The following PPP2R2C variants were observed in gnomAD, a reference collection of about 807,000 sequenced individuals.
The protein encoded by PPP2R2C is protein phosphatase 2, regulatory subunit B, gamma.
In PPP2R2C, 10 loss-of-function variants were observed where a neutral mutation model predicts 45.3. The observed-to-expected ratio is 0.22, with a 90% confidence interval of 0.14 to 0.37. The LOEUF is 0.37. Among genes scored for constraint, PPP2R2C ranks in the 10% least tolerant of loss-of-function variants. The pLI is 1.00. For missense variants in PPP2R2C, 308 were observed against 619.7 expected (o/e 0.50, Z 5.34); for synonymous variants, 257 against 245.4 (o/e 1.05, Z -0.44).
intron 6 of PPP2R2C, among the ~76,000 whole-genome samples, chr4:6,336,176 C>T (rs1011551272): frequency 2.0e-5 from 3 of 152,070 alleles, no homozygotes; most frequent in Admixed American, 6.5e-5. Flanking sequence ...TGACAGTAGG[C>T]GCCTCCCTTT....
chr4:6,361,393 C>T (rs1156832185), intron 5 of PPP2R2C, among the ~76,000 whole-genome samples: 1 of 152,230 alleles, frequency 6.6e-6, no homozygotes, highest in East Asian at 1.9e-4. Flanking sequence ...TTCTGAATCA[C>T]AAAACCCAGA....
intron 1 of PPP2R2C, among the ~76,000 whole-genome samples, chr4:6,433,213 C>T (rs531559770): frequency 2.0e-5 from 3 of 152,192 alleles, no homozygotes; most frequent in East Asian, 1.9e-4. Context: ...CCGTGTTGTT[C>T]GAGGGTCTGC....
intron 2 of PPP2R2C, among the ~76,000 whole-genome samples, chr4:6,525,447 C>T (rs1462868890): frequency 6.6e-6 from 1 of 151,622 alleles, no homozygotes; most frequent in Non-Finnish European, 1.5e-5. Context: ...ATCCTAACCA[C>T]CCCCAGATGA....
intron 4 of PPP2R2C, among the ~76,000 whole-genome samples, chr4:6,373,933 G>C (rs1010594507): frequency 4.7e-5 from 7 of 150,214 alleles, no homozygotes; most frequent in African/African-American, 1.5e-4. Context: ...GTGTGTGCAC[G>C]CAGCACCGGT....
chr4:6,499,542 C>T (rs1031883778), intron 2 of PPP2R2C, among the ~76,000 whole-genome samples: 2 of 152,190 alleles, frequency 1.3e-5, no homozygotes, highest in Admixed American at 1.3e-4. Context: ...CTCCCACATT[C>T]TTGTCCTTCC....
chr4:6,382,471 G>C, intron 1 of PPP2R2C: 1 of 1,352,038 alleles, frequency 7.4e-7, no homozygotes, highest in Non-Finnish European at 9.8e-7. Flanking sequence ...CTGAGCCAGT[G>C]CATCCCTGTG....
chr4:6,381,958 A>G, intron 1 of PPP2R2C: 1 of 1,472,906 alleles, frequency 6.8e-7, no homozygotes, highest in Non-Finnish European at 9.0e-7. Flanking sequence ...CTGGGTGGCC[A>G]GCCCTGGGAG....
intron 1 of PPP2R2C, among the ~76,000 whole-genome samples, chr4:6,442,268 C>T (rs1380101667): frequency 2.0e-5 from 3 of 152,360 alleles, no homozygotes; most frequent in Non-Finnish European, 4.4e-5. Context: ...GCAGGCCTGG[C>T]CTCCCCTCCC....
intron 1 of PPP2R2C, among the ~76,000 whole-genome samples, chr4:6,406,119 C>T (rs557411897): frequency 2.6e-5 from 4 of 152,304 alleles, no homozygotes; most frequent in African/African-American, 9.6e-5. Context: ...CAAGAACTAA[C>T]GTATTTATTT....
chr4:6,455,819 T>A (rs748231441), intron 1 of PPP2R2C, among the ~76,000 whole-genome samples: 6 of 152,154 alleles, frequency 3.9e-5, no homozygotes, highest in African/African-American at 1.4e-4. Flanking sequence ...CCTCCTGCCA[T>A]GAATGTCGCC....
At chr4:6,384,912 T>A (rs1426306804) in intron 1 of PPP2R2C, 1 of 918,304 alleles carries the variant, frequency 1.1e-6, no homozygotes, top group Non-Finnish European at 1.3e-6. Flanking sequence ...TGGTCTTGGG[T>A]AAGCCACACA....
At position 6,439,442 on chromosome 4, in the gene PPP2R2C, C is replaced by G. The variant is rs34356207; in HGVS notation, c.70+32718G>C. ...AGGAAAACTAGAAATCTAACTTTAG[C>G]GTGATTCAAAATAGCTCATTTCCAT... On this transcript the variant is annotated intron_variant, in intron 1 of 8. Coordinates refer to ENST00000382599, the MANE Select transcript of PPP2R2C (RefSeq NM_020416.4). Among the ~76,000 whole-genome samples, 619 of 152,266 alleles carry G rather than the reference C, an allele frequency of 4.1e-3. 1 individual carries two copies. Among genetic ancestry groups the G allele is most frequent in the Middle Eastern group, 0.027 (8 of 294 alleles).
chr4:6,401,843 C>G (rs1717433439), intron 1 of PPP2R2C, among the ~76,000 whole-genome samples: 1 of 152,140 alleles, frequency 6.6e-6, no homozygotes, highest in African/African-American at 2.4e-5. Flanking sequence ...GGGGGGGTAT[C>G]TGCCATGGAA....
At chr4:6,502,658 C>G (rs1023475927) in intron 2 of PPP2R2C, among the ~76,000 whole-genome samples, 1 of 152,096 alleles carries the variant, frequency 6.6e-6, no homozygotes, top group Non-Finnish European at 1.5e-5. Context: ...GACAATTAGT[C>G]AATCAATCAA....
rs1439385715 is a variant in PPP2R2C, at chr4:6,355,999, A to C, written c.626-7989T>G. Among the ~76,000 whole-genome samples, 11 of 131,532 alleles carry C rather than the reference A, an allele frequency of 8.4e-5. No individual in the cohort carries two copies. In the East Asian group the frequency reaches 9.8e-4, roughly 12 times the overall value. The allele number at this position is 131,532 out of a possible 152,430, so 86.3% of individuals were successfully genotyped here. A position where few individuals can be genotyped will look rare whatever the true frequency, so the allele number is the denominator to read the frequency against. On this transcript the variant is annotated intron_variant, in intron 5 of 8. Coordinates refer to ENST00000382599, the MANE Select transcript of PPP2R2C (RefSeq NM_020416.4). ...CAGAGTGAGACTCTGCCTGGAAAAA[A>C]AAAAAAAAAAAAAAAAAGAGCACTG... is the stretch of plus-strand genomic sequence containing the variant.
intron 5 of PPP2R2C, chr4:6,350,549 T>C (rs1021387600): frequency 1.0e-5 from 10 of 985,138 alleles, no homozygotes; most frequent in African/African-American, 3.5e-5. Flanking sequence ...ATCAGGACAC[T>C]CATTCTCGTT....
intron 2 of PPP2R2C, among the ~76,000 whole-genome samples, chr4:6,525,648 T>G (rs1724173983): frequency 6.6e-6 from 1 of 152,160 alleles, no homozygotes; most frequent in Non-Finnish European, 1.5e-5. Context: ...CTACTGCTGA[T>G]TCCAACCAAC....
intron 1 of PPP2R2C, chr4:6,382,129 AAGT>A: frequency 7.9e-7 from 1 of 1,259,918 alleles, no homozygotes; most frequent in Non-Finnish European, 1.0e-6. Context: ...AATATTTGAA[AAGT>A]AGAAGATTTC....
chr4:6,533,983 AC>A (rs1332168734), intron 2 of PPP2R2C, among the ~76,000 whole-genome samples: 1 of 151,112 alleles, frequency 6.6e-6, no homozygotes, highest in Middle Eastern at 3.4e-3. Context: ...CAATACACAT[AC>A]CCCAAACACA....
Sources: gnomAD v4.1 joint callset for allele counts (sites outside exome capture counted in the v4.1 genomes callset) on GRCh38, gnomAD v4.1.1 for gene constraint, MANE v1.5 for transcripts, NCBI Gene and HGNC (gene_info 2026-07-23, HGNC 2026-07-21) for gene names.